The following IMMP2L variants were observed in gnomAD, a reference collection of about 807,000 sequenced individuals.
IMMP2L encodes mitochondrial inner membrane protease subunit 2.
Under a neutral mutation model 19.3 loss-of-function variants are expected in IMMP2L, and 18 were observed. The observed-to-expected ratio is 0.93, with a 90% CI of 0.64 to 1.38. The LOEUF (loss-of-function observed/expected upper bound fraction) is 1.38. Ranked by LOEUF, IMMP2L falls within the 40% of genes most tolerant of loss-of-function variation. The pLI is 0.00. For missense variants in IMMP2L, 233 were observed against 218.2 expected (o/e 1.07, Z -0.43); for synonymous variants, 76 against 73.0 (o/e 1.04, Z -0.21).
chr7:111,271,112 T>C (rs184553661), intron 3 of IMMP2L, among the ~76,000 whole-genome samples: 136 of 152,200 alleles, frequency 8.9e-4, no homozygotes, highest in African/African-American at 3.2e-3. Context: ...CTTATGATAG[T>C]GAGTGAGTTC....
chr7:111,086,266 G>GAAAAAAAAAAAA (rs569989200), intron 3 of IMMP2L, among the ~76,000 whole-genome samples: 3 of 129,314 alleles, frequency 2.3e-5, no homozygotes, highest in Non-Finnish European at 5.0e-5. Context: ...AAAAAAAAAA[G>GAAAAAAAAAAAA]AAAAAAAAAA....
rs1326349051 is a variant in IMMP2L, at chr7:110,803,122, G to T, written c.408+83471C>A. Among the ~76,000 whole-genome samples the T allele has an allele frequency of 1.3e-5, 2 of 152,092 alleles. No homozygotes were observed. Among genetic ancestry groups the T allele is most frequent in the Non-Finnish European group, 2.9e-5 (2 of 68,008 alleles). On this transcript the variant is annotated intron_variant, in intron 5 of 5. Transcript: ENST00000405709. The surrounding 1 kb of genome is among the most constrained non-coding windows in gnomAD (Gnocchi z 4.2). ...AGTTTGTGTCTTAGCCTTGAAGGAT[G>T]TATAGGATTAGGATAGGTAAAAAGA...
In IMMP2L at chr7:110,980,374, G is replaced by A. The variant is rs558907850; in HGVS notation, c.240-16809C>T. 4.2e-4 allele frequency among the ~76,000 whole-genome samples: 63 copies of A among 151,606 alleles called. 1 individual carries two copies. The highest frequency in any genetic ancestry group is 3.4e-3 in the Middle Eastern group (1 of 290). On this transcript the variant is annotated intron_variant, in intron 3 of 5. Coordinates refer to ENST00000405709, the MANE Select transcript of IMMP2L (RefSeq NM_032549.4). ...TCTCCGAGTAGCTGGGACTACAGGC[G>A]CCCACCACCACGCCTGGCTAATTTT... is the stretch of plus-strand genomic sequence containing the variant.
intron 3 of IMMP2L, among the ~76,000 whole-genome samples, chr7:111,301,390 GCAAATATTTTCTC>G (rs1348309970): frequency 6.7e-6 from 1 of 149,134 alleles, no homozygotes; most frequent in Admixed American, 6.7e-5. Flanking sequence ...GATATGGTTT[GCAAATATTTTCTC>G]CAAGCCTGCA....
chr7:111,408,058 A>G (rs746168526), intron 3 of IMMP2L, among the ~76,000 whole-genome samples: 5 of 152,024 alleles, frequency 3.3e-5, no homozygotes, highest in Non-Finnish European at 7.4e-5. Context: ...TCAAGGTCAT[A>G]GAACTAAATA....
intron 5 of IMMP2L, among the ~76,000 whole-genome samples, chr7:110,753,444 C>T (rs186902472): frequency 5.9e-5 from 9 of 152,100 alleles, no homozygotes; most frequent in Admixed American, 5.9e-4. Context: ...TGCCTTCTGA[C>T]ATTTAACTTG....
chr7:111,548,367 T>C (rs1227841289), intron 1 of IMMP2L, among the ~76,000 whole-genome samples: 1 of 152,138 alleles, frequency 6.6e-6, no homozygotes, highest in Non-Finnish European at 1.5e-5. Flanking sequence ...CTATTTCTTA[T>C]TTGCTGGTGA....
At chr7:111,167,360 A>G (rs1805937886) in intron 3 of IMMP2L, among the ~76,000 whole-genome samples, 1 of 151,938 alleles carries the variant, frequency 6.6e-6, no homozygotes, top group African/African-American at 2.4e-5. Context: ...CCACAAATCC[A>G]AAACATTTCT....
At chr7:111,206,765 A>G (rs530864168) in intron 3 of IMMP2L, among the ~76,000 whole-genome samples, 1 of 152,254 alleles carries the variant, frequency 6.6e-6, no homozygotes, top group African/African-American at 2.4e-5. Context: ...AAGATTTTTA[A>G]AGTGAGAATA....
At chr7:111,374,247 ATCAAG>A (rs1830490623) in intron 3 of IMMP2L, among the ~76,000 whole-genome samples, 2 of 152,128 alleles carry the variant, frequency 1.3e-5, no homozygotes, top group South Asian at 4.1e-4. Context: ...ATTTGCATAA[ATCAAG>A]TCAATATTCA....
At chr7:110,684,180 G>T (rs1792939584) in intron 5 of IMMP2L, among the ~76,000 whole-genome samples, 1 of 152,118 alleles carries the variant, frequency 6.6e-6, no homozygotes, top group African/African-American at 2.4e-5. Flanking sequence ...TAAACCAGAA[G>T]AAATTCCTCA....
intron 3 of IMMP2L, among the ~76,000 whole-genome samples, chr7:111,358,232 A>G (rs1349896908): frequency 1.3e-5 from 2 of 150,514 alleles, no homozygotes; most frequent in Admixed American, 6.7e-5. Flanking sequence ...ACAGCCTCAG[A>G]TGCATTATCT....
chr7:111,329,913 T>C (rs1825709338), intron 3 of IMMP2L, among the ~76,000 whole-genome samples: 1 of 151,200 alleles, frequency 6.6e-6, no homozygotes, highest in East Asian at 2.0e-4. Flanking sequence ...AAATTGAAAA[T>C]AAGGACCCAA....
At chr7:111,128,084 T>C (rs1287116684) in intron 3 of IMMP2L, among the ~76,000 whole-genome samples, 2 of 152,190 alleles carry the variant, frequency 1.3e-5, no homozygotes, top group Non-Finnish European at 2.9e-5. Context: ...TTAAAGTTTT[T>C]ATTCTAATTA....
intron 3 of IMMP2L, among the ~76,000 whole-genome samples, chr7:111,396,644 T>C (rs1316987087): frequency 6.6e-6 from 1 of 152,098 alleles, no homozygotes; most frequent in Non-Finnish European, 1.5e-5. Context: ...TTTGCATATG[T>C]ATCCCAGAAC....
chr7:110,852,351 G>C (rs986439536), intron 5 of IMMP2L, among the ~76,000 whole-genome samples: 5 of 152,028 alleles, frequency 3.3e-5, no homozygotes, highest in Non-Finnish European at 7.4e-5. Context: ...CTGAGTCATA[G>C]ACAAATACAG....
chr7:111,321,259 A>G (rs1824678440), intron 3 of IMMP2L, among the ~76,000 whole-genome samples: 1 of 152,000 alleles, frequency 6.6e-6, no homozygotes, highest in South Asian at 2.1e-4. Flanking sequence ...AATGTAAGTC[A>G]ACACACAATT....
chr7:111,035,016 G>GT (rs1791196363), intron 3 of IMMP2L, among the ~76,000 whole-genome samples: 1 of 152,090 alleles, frequency 6.6e-6, no homozygotes, highest in Non-Finnish European at 1.5e-5. Context: ...TATGGTTACA[G>GT]TTTTTTAAAT....
At chr7:110,784,045 G>T (rs764957573) in intron 5 of IMMP2L, among the ~76,000 whole-genome samples, 5 of 151,732 alleles carry the variant, frequency 3.3e-5, no homozygotes, top group Non-Finnish European at 5.9e-5. Context: ...ACCTTAGTGG[G>T]TCATGCAAGA....
Sources: gnomAD v4.1 joint callset for allele counts (sites outside exome capture counted in the v4.1 genomes callset) on GRCh38, gnomAD v4.1.1 for gene constraint, Gnocchi (gnomAD v3.1) non-coding constraint, MANE v1.5 for transcripts, NCBI Gene and HGNC (gene_info 2026-07-23, HGNC 2026-07-21) for gene names.